The following GLMN variants were observed in gnomAD, a reference collection of about 807,000 sequenced individuals.
GLMN encodes the protein glomulin, FKBP associated protein.
Under a neutral mutation model 87.8 loss-of-function variants are expected in GLMN, and 75 were observed. The ratio of observed to expected loss-of-function variants is 0.85; its 90% confidence interval spans 0.71 to 1.04. The LOEUF (loss-of-function observed/expected upper bound fraction) is 1.04, where lower values mean the gene tolerates loss of function less well. GLMN is among the 50% of genes least tolerant of loss of function. The probability of loss-of-function intolerance (pLI) is 0.00; values close to 1 mark genes in which losing one functional copy is unlikely to be tolerated. For missense variants in GLMN, 588 were observed against 658.8 expected (o/e 0.89, Z 1.18); for synonymous variants, 206 against 221.6 (o/e 0.93, Z 0.63).
chr1:92,294,925 C>T (rs1170963282), intron 3 of GLMN, among the ~76,000 whole-genome samples: 2 of 152,288 alleles, frequency 1.3e-5, no homozygotes, highest in Middle Eastern at 3.4e-3. Context: ...GTGATCCACC[C>T]GCCTCGGCCT....
chr1:92,255,084 A>ATT (rs1654040368), intron 16 of GLMN, among the ~76,000 whole-genome samples: 1 of 132,458 alleles, frequency 7.5e-6, no homozygotes, highest in Non-Finnish European at 1.5e-5. Context: ...AAACGGAAAG[A>ATT]AAAAAAAAAA....
chr1:92,310,194 A>C, the GLMN span, among the ~76,000 whole-genome samples: 1 of 152,192 alleles, frequency 6.6e-6, no homozygotes, highest in East Asian at 1.9e-4. Flanking sequence ...TAACCATATC[A>C]GTATCTTTTA....
At chr1:92,256,176 T>G (rs1246362724) in intron 16 of GLMN, among the ~76,000 whole-genome samples, 1 of 151,882 alleles carries the variant, frequency 6.6e-6, no homozygotes, top group Non-Finnish European at 1.5e-5. Context: ...TTCCTGGACA[T>G]ACACACCCTC....
chr1:92,353,420 C>T, the GLMN span, among the ~76,000 whole-genome samples: 1 of 152,116 alleles, frequency 6.6e-6, no homozygotes, highest in Non-Finnish European at 1.5e-5. Flanking sequence ...CTTAAATATG[C>T]CTAATCTCAT....
At chr1:92,256,784 C>T (rs922259948) in intron 16 of GLMN, among the ~76,000 whole-genome samples, 1 of 152,072 alleles carries the variant, frequency 6.6e-6, no homozygotes. Flanking sequence ...TATGACAAAC[C>T]CACAGCCAAT....
At position 92,269,744 on chromosome 1, in the gene GLMN, T is replaced by G. The variant is rs143112068; in HGVS notation, c.956A>C (p.His319Pro). 323 of 1,608,816 alleles carry G rather than the reference T, an allele frequency of 2.0e-4. 1 individual carries two copies. The African/African-American group carries it at 4.0e-3, about 20-fold the overall frequency. Reference protein sequence around the residue: ...PLYLLQFNMGHIEVFLQRTEE... With the variant: ...PLYLLQFNMGPIEVFLQRTEE... ...TTACCTTTGCAAAAAGACTTCAATG[T>G]GCCCCATATTAAACTGCAAAAGGTA... The change falls in exon 9 of 19, where the codon CAC (histidine) becomes CCC (proline). Residue 319 changes from histidine to proline, a missense_variant. Physicochemically the swap from His to Pro is moderately conservative, Grantham distance 77. Transcript: ENST00000370360.
chr1:92,345,542 A>G, the GLMN span, among the ~76,000 whole-genome samples: 1 of 152,010 alleles, frequency 6.6e-6, no homozygotes. Flanking sequence ...TGTTGGGGAT[A>G]TGTGTGTTTT....
rs1055716717 is a variant in GLMN, at chr1:92,246,555, G to A, written c.1760C>T (p.Ser587Phe). Residue 587 changes from serine (S) to phenylalanine (F), a missense_variant, in exon 19 of 19, where the codon TCT becomes TTT. Physicochemically the swap from Ser to Phe is radical, Grantham distance 155 (BLOSUM62 -2). Coordinates refer to ENST00000370360, the MANE Select transcript of GLMN (RefSeq NM_053274.3). The part of the protein sequence containing the change: ...ELIEIKTKST[S>F]EENIGIK ...TCACTTTATCCCAATATTTTCTTCA[G>A]AGGTAGACTTTGTTTTTATTTCAAT... 3 of 1,471,904 alleles carry A rather than the reference G, an allele frequency of 2.0e-6. No homozygotes were observed. The highest frequency in any genetic ancestry group is 2.9e-6 in the Non-Finnish European group (3 of 1,050,382). 91.2% of individuals were successfully genotyped at this position (1,471,904 alleles called of 1,614,324 possible). A position where few individuals can be genotyped will look rare whatever the true frequency, so the allele number is the denominator to read the frequency against.
At chr1:92,364,474 ATC>A in the GLMN span, among the ~76,000 whole-genome samples, 1 of 152,122 alleles carries the variant, frequency 6.6e-6, no homozygotes, top group African/African-American at 2.4e-5. Flanking sequence ...CAGCTCTGAC[ATC>A]TCTCCTAAAT....
chr1:92,370,169 G>A, the GLMN span, among the ~76,000 whole-genome samples: 3 of 152,216 alleles, frequency 2.0e-5, no homozygotes, highest in Admixed American at 6.5e-5. Context: ...ACAGGCATGA[G>A]CCACTGTGCC....
At chr1:92,323,505 C>T in the GLMN span, 3 of 1,613,672 alleles carry the variant, frequency 1.9e-6, no homozygotes, top group African/African-American at 1.3e-5. Context: ...CAGATATCGA[C>T]AATCCTAGCC....
upstream of GLMN, among the ~76,000 whole-genome samples, chr1:92,302,056 G>A (rs868262320): frequency 3.3e-5 from 5 of 152,200 alleles, no homozygotes; most frequent in Non-Finnish European, 4.4e-5. Flanking sequence ...TAAGGCAGGC[G>A]GATCACTTGA....
intron 8 of GLMN, 61 bp downstream of exon 8, chr1:92,271,404 A>G: frequency 8.0e-7 from 1 of 1,248,678 alleles, no homozygotes. Flanking sequence ...GACATTAGAT[A>G]AATGAGAATT....
the GLMN span, among the ~76,000 whole-genome samples, chr1:92,364,425 C>G: frequency 6.6e-6 from 1 of 152,146 alleles, no homozygotes; most frequent in Non-Finnish European, 1.5e-5. Flanking sequence ...TCATCCTCAT[C>G]AAATAATTCT....
chr1:92,325,047 A>C, the GLMN span, among the ~76,000 whole-genome samples: 3 of 152,212 alleles, frequency 2.0e-5, no homozygotes, highest in Non-Finnish European at 2.9e-5. Flanking sequence ...AGCATTTATC[A>C]CAGTACATGA....
the GLMN span, among the ~76,000 whole-genome samples, chr1:92,317,779 C>T: frequency 6.6e-6 from 1 of 152,066 alleles, no homozygotes; most frequent in African/African-American, 2.4e-5. Context: ...TTTAAAGATA[C>T]AATTTTCTTT....
intron 7 of GLMN, among the ~76,000 whole-genome samples, chr1:92,282,425 A>G (rs1004767823): frequency 6.6e-6 from 1 of 152,204 alleles, no homozygotes; most frequent in Admixed American, 6.5e-5. Flanking sequence ...TTTGAAACCA[A>G]TGAGAACAAA....
At chr1:92,330,534 A>G in the GLMN span, among the ~76,000 whole-genome samples, 1 of 129,968 alleles carries the variant, frequency 7.7e-6, no homozygotes, top group Non-Finnish European at 1.5e-5. Flanking sequence ...TGCAAACTCC[A>G]CCTCCTGGGT....
At chr1:92,363,221 C>T in the GLMN span, among the ~76,000 whole-genome samples, 1 of 152,084 alleles carries the variant, frequency 6.6e-6, no homozygotes, top group Admixed American at 6.6e-5. Flanking sequence ...AGAGATTGAA[C>T]AGTAACCATT....
Sources: allele counts gnomAD v4.1 joint callset (sites outside exome capture counted in the v4.1 genomes callset), GRCh38; gene constraint gnomAD v4.1.1; transcripts MANE v1.5; gene names NCBI Gene and HGNC (gene_info 2026-07-23, HGNC 2026-07-21).